Variants in PTPA observed in about 807,000 individuals in gnomAD.
PTPA encodes protein phosphatase 2 phosphatase activator.
Under a neutral mutation model 43.6 loss-of-function variants are expected in PTPA, and 13 were observed. The observed-to-expected ratio is 0.30, with a 90% CI of 0.19 to 0.47. The LOEUF (loss-of-function observed/expected upper bound fraction) is 0.47. Among genes scored for constraint, PTPA ranks in the 20% least tolerant of loss-of-function variants. The pLI is 0.99. For missense variants in PTPA, 329 were observed against 411.9 expected (o/e 0.80, Z 1.74); for synonymous variants, 172 against 158.2 (o/e 1.09, Z -0.66).
chr9:129,128,042 C>T (rs774677478), intron 3 of PTPA: 55 of 1,342,526 alleles, frequency 4.1e-5, no homozygotes, highest in Non-Finnish European at 4.9e-5. Context: ...ACCATTACCC[C>T]GCGCCGGGCA....
chr9:129,134,755 A>G, intron 5 of PTPA, 40 bp from the exon 6 acceptor site: 1 of 1,499,544 alleles, frequency 6.7e-7, no homozygotes, highest in Non-Finnish European at 9.3e-7. Flanking sequence ...CCAGTCCTTT[A>G]CCTGGACTAC....
At chr9:129,143,701 T>TTAG in intron 9 of PTPA, 1 of 431,828 alleles carries the variant, frequency 2.3e-6, no homozygotes, top group Non-Finnish European at 4.3e-6. Context: ...CATCCTGTGT[T>TTAG]TAGGTTCCAG....
chr9:129,148,618 G>A lies in PTPA; in HGVS notation c.*1154G>A, dbSNP rs1271043706. The A allele has an allele frequency of 6.5e-6, 1 of 152,782 alleles. No homozygotes were observed. The highest frequency in any genetic ancestry group is 1.5e-5 in the Non-Finnish European group (1 of 68,138). 9.5% of individuals were successfully genotyped at this position (152,782 alleles called of 1,614,324 possible). A position where few individuals can be genotyped will look rare whatever the true frequency, so the allele number is the denominator to read the frequency against. On this transcript the variant is annotated 3_prime_UTR_variant, in exon 10 of 10. Transcript: ENST00000393370. ...AGGGCCACCGCCGAGGTTTCTCCTAGGGCTGTTCCTGGGCCTGGCTCTTAC... is the reference window on the plus strand; with the variant it reads ...AGGGCCACCGCCGAGGTTTCTCCTAAGGCTGTTCCTGGGCCTGGCTCTTAC...
At chr9:129,125,186 C>G (rs1849496319) in intron 3 of PTPA, among the ~76,000 whole-genome samples, 1 of 152,032 alleles carries the variant, frequency 6.6e-6, no homozygotes, top group African/African-American at 2.4e-5. Context: ...TTGTAATTAC[C>G]CCAGCAAATC....
At chr9:129,142,750 C>T (rs1015940213) in intron 9 of PTPA, 198 bp downstream of exon 9, 2 of 1,536,582 alleles carry the variant, frequency 1.3e-6, no homozygotes, top group African/African-American at 1.4e-5. Context: ...GAAGCACCAG[C>T]CACCCCAGCC....
At position 129,120,578 on chromosome 9, in the gene PTPA, G is replaced by T; in HGVS notation, c.97G>T (p.Val33Phe). 1 of 1,613,742 alleles carries T rather than the reference G, an allele frequency of 6.2e-7. No homozygotes were observed. The highest frequency in any genetic ancestry group is 1.1e-5 in the South Asian group (1 of 91,082). ...FIIPKKEIHT[V>F]PDMGKWKRSQ... ...CATTCCAAAAAAGGAGATCCACACA[G>T]TTCCAGACATGGGCAAATGGAAGCG... Residue 33 changes from valine to phenylalanine, a missense_variant, in exon 2 of 10, where the codon GTT becomes TTT. Coordinates refer to ENST00000393370, the MANE Select transcript of PTPA (RefSeq NM_178000.3).
Position 129,129,023 on chromosome 9 carries a change from C to T in PTPA, c.255C>T (p.Asp85=). ...EKLVALLNTL[D]RWIDETPPVD... ...TAGTCGCTCTTCTCAACACGCTGGA[C>T]AGGTGGATTGATGAGACTCCTCCAG... Residue 85 remains aspartate (D), a synonymous_variant, in exon 4 of 10, where the codon GAC becomes GAT. Coordinates refer to ENST00000393370, the MANE Select transcript of PTPA (RefSeq NM_178000.3). The T allele has an allele frequency of 6.2e-7, 1 of 1,613,102 alleles. No individual in the cohort carries two copies. The highest frequency in any genetic ancestry group is 8.5e-7 in the Non-Finnish European group (1 of 1,180,002).
In PTPA at chr9:129,147,498, GT is replaced by G; in HGVS notation, c.*36del. 1 of 1,600,710 alleles carries G rather than the reference GT, an allele frequency of 6.2e-7. No homozygotes were observed. The highest frequency in any genetic ancestry group is 8.5e-7 in the Non-Finnish European group (1 of 1,169,620). On this transcript the variant is annotated 3_prime_UTR_variant, in exon 10 of 10. Transcript: ENST00000393370. ...AAGCCGAAGAGCCACCCAGGCCACA[GT>G]TCCTGTGCCTGCCTTCCCCACCCCA... is the stretch of plus-strand genomic sequence containing the variant.
At chr9:129,141,272 CTCT>C (rs1850803158) in intron 8 of PTPA, among the ~76,000 whole-genome samples, 1 of 152,070 alleles carries the variant, frequency 6.6e-6, no homozygotes, top group Admixed American at 6.6e-5. Flanking sequence ...CTCCTGAGGG[CTCT>C]TGTGGTGAAC....
upstream of PTPA, chr9:129,111,054 A>T: frequency 7.3e-7 from 1 of 1,368,266 alleles, no homozygotes; most frequent in Non-Finnish European, 9.8e-7. Flanking sequence ...CACCTTTCCA[A>T]CTCCGTCTGG....
chr9:129,143,004 G>C (rs1320562142), intron 9 of PTPA: 1 of 1,205,030 alleles, frequency 8.3e-7, no homozygotes, highest in Non-Finnish European at 1.1e-6. Context: ...AGTGGTGGGA[G>C]GTCTGAGGGT....
intron 9 of PTPA, 100 bp from the exon 10 acceptor site, chr9:129,147,287 G>C: frequency 8.1e-7 from 1 of 1,228,256 alleles, no homozygotes. Flanking sequence ...GCTACTTCCT[G>C]GGCCCGGGAT....
At position 129,144,555 on chromosome 9, in the gene PTPA, A is replaced by G. The variant is rs369724221; in HGVS notation, c.894+2003A>G. Among the ~76,000 whole-genome samples, 6 of 150,794 alleles carry G rather than the reference A, an allele frequency of 4.0e-5. No individual in the cohort carries two copies. In the East Asian group the frequency reaches 7.8e-4, roughly 20 times the overall value. On this transcript the variant is annotated intron_variant, in intron 9 of 9. Transcript: ENST00000393370. ...AGATCGAGACCATCCTGGCTAACAC[A>G]GTGAAACCCCGTCTCTACTAAAAAT... is the stretch of plus-strand genomic sequence containing the variant.
rs17433346 is a variant in PTPA, at chr9:129,121,289, G to A, written c.129+679G>A. On this transcript the variant is annotated intron_variant, in intron 2 of 9. Coordinates refer to ENST00000393370, the MANE Select transcript of PTPA (RefSeq NM_178000.3). ...TGCTCATGCAGAAGGCTGGGCACAG[G>A]GGTCCTTGCATGCTGGGCAGATTCT... Among the ~76,000 whole-genome samples, 717 of 152,314 alleles carry A rather than the reference G, an allele frequency of 4.7e-3. 3 individuals carry two copies. The highest frequency in any genetic ancestry group is 0.01 in the Middle Eastern group (3 of 294).
At chr9:129,137,992 G>A (rs1850492725) in intron 8 of PTPA, 1 of 410,250 alleles carries the variant, frequency 2.4e-6, no homozygotes, top group Non-Finnish European at 4.6e-6. Context: ...GTCTGAAAGG[G>A]TCGGGGCGGG....
intron 9 of PTPA, chr9:129,143,259 C>T: frequency 1.4e-6 from 1 of 699,440 alleles, no homozygotes; most frequent in Non-Finnish European, 2.6e-6. Flanking sequence ...GCTAGCTCCT[C>T]CCACTTCCTG....
chr9:129,112,946 C>CAA (rs1554728891), intron 1 of PTPA, among the ~76,000 whole-genome samples: 5 of 145,984 alleles, frequency 3.4e-5, no homozygotes, highest in African/African-American at 1.2e-4. Flanking sequence ...CGTCACCCCC[C>CAA]AAAAAAAAAA....
chr9:129,143,296 C>G, intron 9 of PTPA: 1 of 702,994 alleles, frequency 1.4e-6, no homozygotes, highest in South Asian at 1.5e-5. Context: ...AACTGCTTGA[C>G]CTTGGCCAGG....
intron 5 of PTPA, among the ~76,000 whole-genome samples, chr9:129,133,205 C>T (rs935652887): frequency 1.3e-5 from 2 of 152,244 alleles, no homozygotes; most frequent in Non-Finnish European, 2.9e-5. Flanking sequence ...AGATGGGGCA[C>T]CGCTCAGCCC....
Sources: gnomAD v4.1 joint callset for allele counts (sites outside exome capture counted in the v4.1 genomes callset) on GRCh38, gnomAD v4.1.1 for gene constraint, MANE v1.5 for transcripts, NCBI Gene and HGNC (gene_info 2026-07-23, HGNC 2026-07-21) for gene names.